TUSC3: variants seen among roughly 807,000 people sequenced by gnomAD.
TUSC3 encodes dolichyl-diphosphooligosaccharide--protein glycosyltransferase subunit TUSC3.
In TUSC3, 45 loss-of-function variants were observed where a neutral mutation model predicts 44.8. That is an observed-to-expected ratio of 1.00 (90% CI 0.79 to 1.29). The LOEUF is 1.29. TUSC3 is among the 50% of genes most tolerant of loss of function. The pLI is 0.00. For missense variants in TUSC3, 519 were observed against 437.9 expected (o/e 1.19, Z -1.65); for synonymous variants, 212 against 152.9 (o/e 1.39, Z -2.85).
chr8:15,744,984 C>CT lies in TUSC3; in HGVS notation c.937+1375dup, dbSNP rs531062673. Among the ~76,000 whole-genome samples, 642 of 152,186 alleles carry CT rather than the reference C, an allele frequency of 4.2e-3. 2 individuals carry two copies. Among genetic ancestry groups the CT allele is most frequent in the Non-Finnish European group, 7.2e-3 (492 of 67,986 alleles). On this transcript the variant is annotated intron_variant, in intron 8 of 10. Transcript: ENST00000503731. ...CCACTCTAGTCGTGTCTGTTCTCAT[C>CT]TTTATGTTCATATGTACACAATGTT...
the TUSC3 span, among the ~76,000 whole-genome samples, chr8:15,784,380 A>G: frequency 6.6e-6 from 1 of 152,198 alleles, no homozygotes; most frequent in East Asian, 1.9e-4. Flanking sequence ...AACAAATTTG[A>G]AACTGTGTAT....
chr8:15,620,569 C>G (rs1414862043), intron 1 of TUSC3, among the ~76,000 whole-genome samples: 1 of 152,060 alleles, frequency 6.6e-6, no homozygotes, highest in African/African-American at 2.4e-5. Context: ...TGTATGATAA[C>G]TAGAAGTGTA....
At chr8:15,787,888 T>C in the TUSC3 span, among the ~76,000 whole-genome samples, 2 of 152,220 alleles carry the variant, frequency 1.3e-5, no homozygotes, top group Non-Finnish European at 2.9e-5. Flanking sequence ...TATTAAGAAA[T>C]GTCATCATTT....
intron 2 of TUSC3, among the ~76,000 whole-genome samples, chr8:15,489,310 G>C (rs923992): frequency 0.49 from 74,319 of 151,956 alleles, 18,439 homozygotes; most frequent in East Asian, 0.68. Flanking sequence ...TTAAAGACCT[G>C]GAATCAATAG....
the TUSC3 span, among the ~76,000 whole-genome samples, chr8:15,838,689 G>A: frequency 4.6e-5 from 7 of 152,188 alleles, no homozygotes; most frequent in South Asian, 1.5e-3. Flanking sequence ...TTATTTCTGA[G>A]GGCCCTGTTC....
chr8:15,654,885 AG>A (rs566470278), intron 3 of TUSC3, among the ~76,000 whole-genome samples: 89 of 152,314 alleles, frequency 5.8e-4, no homozygotes, highest in Non-Finnish European at 1.0e-3. Flanking sequence ...AAGTGTCTAG[AG>A]TCAGAAAACC....
At chr8:15,723,550 A>G (rs971089882) in intron 6 of TUSC3, among the ~76,000 whole-genome samples, 4 of 152,170 alleles carry the variant, frequency 2.6e-5, no homozygotes, top group African/African-American at 7.2e-5. Flanking sequence ...AGGCAAATCC[A>G]GAAAGACTTG....
chr8:15,639,074 G>T (rs531367154), intron 2 of TUSC3, among the ~76,000 whole-genome samples: 7 of 146,754 alleles, frequency 4.8e-5, no homozygotes, highest in African/African-American at 1.9e-4. Flanking sequence ...GCTGATGCTC[G>T]ATCACGTGAT....
chr8:15,736,866 G>A (rs986570162), intron 7 of TUSC3, among the ~76,000 whole-genome samples: 20 of 152,116 alleles, frequency 1.3e-4, no homozygotes, highest in African/African-American at 3.9e-4. Flanking sequence ...CTCTGTATGA[G>A]TGGATATAGA....
intron 2 of TUSC3, 122 bp downstream of exon 2, chr8:15,623,371 T>A (rs1805338660): frequency 9.7e-7 from 1 of 1,029,422 alleles, no homozygotes; most frequent in South Asian, 2.7e-5. Flanking sequence ...AATATAACTG[T>A]GCATTTAAAA....
chr8:15,487,245 G>A (rs1800745055), intron 2 of TUSC3, among the ~76,000 whole-genome samples: 1 of 152,090 alleles, frequency 6.6e-6, no homozygotes, highest in African/African-American at 2.4e-5. Context: ...TACTTAATCT[G>A]AAAATATTAA....
At chr8:15,583,345 C>T (rs1238632078) in intron 1 of TUSC3, among the ~76,000 whole-genome samples, 1 of 152,122 alleles carries the variant, frequency 6.6e-6, no homozygotes, top group African/African-American at 2.4e-5. Flanking sequence ...ACTAATAAAA[C>T]TCACTTTAGA....
intron 6 of TUSC3, among the ~76,000 whole-genome samples, chr8:15,685,384 T>A (rs1215380078): frequency 6.6e-6 from 1 of 152,134 alleles, no homozygotes; most frequent in Non-Finnish European, 1.5e-5. Flanking sequence ...TCTATTGACT[T>A]GATGCTTTCT....
At chr8:15,806,518 G>A in the TUSC3 span, 1,114 of 1,235,606 alleles carry the variant, frequency 9.0e-4, 13 homozygotes, top group East Asian at 0.021. Flanking sequence ...GGTCATCAGT[G>A]ACTTCAAGCC....
chr8:15,780,608 T>C, the TUSC3 span, among the ~76,000 whole-genome samples: 1 of 152,218 alleles, frequency 6.6e-6, no homozygotes, highest in African/African-American at 2.4e-5. Flanking sequence ...TTCTGACTAG[T>C]CTGCATCAGA....
chr8:15,792,647 G>T, the TUSC3 span, among the ~76,000 whole-genome samples: 3 of 151,808 alleles, frequency 2.0e-5, no homozygotes, highest in African/African-American at 7.3e-5. Flanking sequence ...ACAGAGCCCT[G>T]CTCTGTCACC....
chr8:15,452,346 G>A (rs1800205247), intron 1 of TUSC3, among the ~76,000 whole-genome samples: 2 of 152,118 alleles, frequency 1.3e-5, no homozygotes, highest in South Asian at 4.1e-4. Flanking sequence ...AAATTTGGAT[G>A]AATTTGTAAA....
At chr8:15,825,727 T>C in the TUSC3 span, among the ~76,000 whole-genome samples, 9 of 152,056 alleles carry the variant, frequency 5.9e-5, no homozygotes, top group Non-Finnish European at 1.2e-4. Flanking sequence ...TATATGCACA[T>C]TGAGATTACA....
At chr8:15,438,918 T>C (rs77867326) in intron 1 of TUSC3, among the ~76,000 whole-genome samples, 3,487 of 152,186 alleles carry the variant, frequency 0.023, 147 homozygotes, top group African/African-American at 0.08. Context: ...AGCACCCAAT[T>C]TAAAATGGTG....
Sources: allele counts gnomAD v4.1 joint callset (sites outside exome capture counted in the v4.1 genomes callset), GRCh38; gene constraint gnomAD v4.1.1; transcripts MANE v1.5; gene names NCBI Gene and HGNC (gene_info 2026-07-23, HGNC 2026-07-21).